Variants in CDH12 observed in about 807,000 individuals in gnomAD.
CDH12 encodes the protein cadherin-12.
A neutral mutation model predicts 74.1 loss-of-function variants in CDH12; 41 were observed. That is an observed-to-expected ratio of 0.55 (90% confidence interval 0.43 to 0.72). The LOEUF (loss-of-function observed/expected upper bound fraction) is 0.72. Among genes scored for constraint, CDH12 ranks in the 30% least tolerant of loss-of-function variants. CDH12 has a pLI of 0.00. For synonymous variants in CDH12, 399 were observed against 355.0 expected, an observed-to-expected ratio of 1.12 and a Z score of -1.39; for missense variants, 945 against 977.2, an observed-to-expected ratio of 0.97 and a Z score of 0.44.
intron 6 of CDH12, chr5:21,882,612 G>T (rs578140927): frequency 2.5e-6 from 4 of 1,603,604 alleles, no homozygotes; most frequent in Admixed American, 1.7e-5. Flanking sequence ...ACAGTCTTTC[G>T]CCAGATGAGA....
chr5:21,752,033 A>G lies in CDH12; in HGVS notation c.2089T>C (p.Ser697Pro), dbSNP rs1461861947. The change falls in exon 15 of 15, where the codon TCT (serine) becomes CCT (proline). Residue 697 changes from serine (S) to proline (P), a missense_variant. Ser to Pro is a moderately conservative substitution (Grantham distance 74, BLOSUM62 -1). This residue lies in a region of CDH12 where 791 missense variants were observed against 792.8 expected (regional missense o/e 1.00). Transcript: ENST00000382254. ...NKIRRDIKPD[S>P]LCLPRQRPPM... ...GGTCTCTGACGAGGTAAACAGAGAG[A>G]GTCTGGTTTTATATCCCTGCGAATT... The G allele has an allele frequency of 6.2e-7, 1 of 1,613,988 alleles. No individual in the cohort carries two copies. The highest frequency in any genetic ancestry group is 1.1e-5 in the South Asian group (1 of 91,076).
At chr5:21,832,863 TC>T (rs1434903519) in intron 8 of CDH12, among the ~76,000 whole-genome samples, 60 of 17,856 alleles carry the variant, frequency 3.4e-3, no homozygotes, top group African/African-American at 0.03. Flanking sequence ...ATGATATATA[TC>T]ATATGATATA....
At chr5:21,787,854 C>T (rs958234529) in intron 10 of CDH12, among the ~76,000 whole-genome samples, 8 of 152,112 alleles carry the variant, frequency 5.3e-5, no homozygotes, top group Non-Finnish European at 7.3e-5. Context: ...CTTAATTCTC[C>T]GTACCGCATA....
At chr5:21,796,591 A>G (rs1458555889) in intron 10 of CDH12, among the ~76,000 whole-genome samples, 1 of 152,108 alleles carries the variant, frequency 6.6e-6, no homozygotes, top group Non-Finnish European at 1.5e-5. Context: ...TCTTTACATC[A>G]TCATTCTGTT....
At chr5:22,710,027 A>T (rs1026260460) in intron 1 of CDH12, among the ~76,000 whole-genome samples, 1 of 152,206 alleles carries the variant, frequency 6.6e-6, no homozygotes, top group African/African-American at 2.4e-5. Context: ...AAATAAAGGT[A>T]GCTCAGGTTT....
rs1580082427 is a variant in CDH12, at chr5:21,994,308, T to C, written c.232-18923A>G. Among the ~76,000 whole-genome samples the C allele has an allele frequency of 6.7e-5, 9 of 134,086 alleles. 1 individual carries two copies. In the South Asian group the frequency reaches 2.0e-3, roughly 30 times the overall value. 88.0% of individuals were successfully genotyped at this position (134,086 alleles called of 152,430 possible). A position where few individuals can be genotyped will look rare whatever the true frequency, so the allele number is the denominator to read the frequency against. ...CAAAGGGAGACAGAGGTAAGAAAATTAAGAAAAGAAGAAAGGAGTTCTGAC... is the reference window on the plus strand; with the variant it reads ...CAAAGGGAGACAGAGGTAAGAAAATCAAGAAAAGAAGAAAGGAGTTCTGAC... On this transcript the variant is annotated intron_variant, in intron 5 of 14. Coordinates refer to ENST00000382254, the MANE Select transcript of CDH12 (RefSeq NM_004061.5).
At chr5:22,162,484 G>T (rs1163407012) in intron 4 of CDH12, among the ~76,000 whole-genome samples, 1 of 152,102 alleles carries the variant, frequency 6.6e-6, no homozygotes, top group Non-Finnish European at 1.5e-5. Context: ...CTCAGGTTGG[G>T]TTTTCCCTGG....
chr5:22,286,775 G>A (rs1156242111), intron 3 of CDH12, among the ~76,000 whole-genome samples: 1 of 150,980 alleles, frequency 6.6e-6, no homozygotes, highest in Non-Finnish European at 1.5e-5. Flanking sequence ...CCACTTATTT[G>A]ACTGAATATG....
At chr5:22,240,051 C>T (rs1333325594) in intron 3 of CDH12, among the ~76,000 whole-genome samples, 2 of 152,092 alleles carry the variant, frequency 1.3e-5, no homozygotes, top group Non-Finnish European at 2.9e-5. Flanking sequence ...TACTTCCCCT[C>T]ATTTTATAGA....
intron 1 of CDH12, among the ~76,000 whole-genome samples, chr5:22,564,514 T>G (rs2126755531): frequency 6.6e-6 from 1 of 152,358 alleles, no homozygotes; most frequent in African/African-American, 2.4e-5. Flanking sequence ...ATAATTGTAA[T>G]ATTTTAATTT....
chr5:22,811,898 C>G (rs72748754), intron 1 of CDH12, among the ~76,000 whole-genome samples: 22,355 of 152,076 alleles, frequency 0.15, 2,050 homozygotes, highest in Non-Finnish European at 0.21. Context: ...TGACCACATT[C>G]AATGAAAAGA....
chr5:22,704,969 T>C (rs926794298), intron 1 of CDH12, among the ~76,000 whole-genome samples: 2 of 151,910 alleles, frequency 1.3e-5, no homozygotes, highest in African/African-American at 4.8e-5. Flanking sequence ...ATACAAAAAA[T>C]TCTAATTGAA....
intron 3 of CDH12, among the ~76,000 whole-genome samples, chr5:22,293,087 TA>T (rs1737467070): frequency 6.6e-6 from 1 of 152,146 alleles, no homozygotes; most frequent in Non-Finnish European, 1.5e-5. Context: ...TCTCAATCTC[TA>T]AAAACCCACG....
intron 1 of CDH12, among the ~76,000 whole-genome samples, chr5:22,603,940 G>C (rs1736973215): frequency 6.6e-6 from 1 of 152,186 alleles, no homozygotes; most frequent in South Asian, 2.1e-4. Flanking sequence ...GAAGAGGAGT[G>C]ATGCTAGTGA....
At chr5:22,009,924 G>A (rs1435480644) in intron 5 of CDH12, among the ~76,000 whole-genome samples, 1 of 106,858 alleles carries the variant, frequency 9.4e-6, no homozygotes, top group African/African-American at 4.8e-5. Flanking sequence ...GTTGCAGTGA[G>A]CCAAGAAACT....
intron 1 of CDH12, among the ~76,000 whole-genome samples, chr5:22,848,738 T>C (rs1737418021): frequency 6.6e-6 from 1 of 152,230 alleles, no homozygotes; most frequent in Non-Finnish European, 1.5e-5. Context: ...AATTATTTTA[T>C]TTGAGTTATA....
At chr5:22,479,270 G>A (rs1039486884) in intron 2 of CDH12, among the ~76,000 whole-genome samples, 4 of 152,030 alleles carry the variant, frequency 2.6e-5, no homozygotes, top group Non-Finnish European at 4.4e-5. Context: ...CTTAATTTTG[G>A]TAACAGTTCC....
chr5:22,297,645 C>CA (rs1428257942), intron 3 of CDH12, among the ~76,000 whole-genome samples: 34 of 152,234 alleles, frequency 2.2e-4, no homozygotes, highest in African/African-American at 8.2e-4. Context: ...AATTAATCTT[C>CA]AATTATGAAG....
At chr5:22,023,592 TAC>T (rs973945896) in intron 5 of CDH12, among the ~76,000 whole-genome samples, 4 of 151,646 alleles carry the variant, frequency 2.6e-5, no homozygotes, top group South Asian at 2.1e-4. Context: ...TATATATATA[TAC>T]ACACACACAA....
Sources: allele counts gnomAD v4.1 joint callset (sites outside exome capture counted in the v4.1 genomes callset), GRCh38; gene constraint gnomAD v4.1.1; regional missense constraint gnomAD v4.1.1; transcripts MANE v1.5; gene names NCBI Gene and HGNC (gene_info 2026-07-23, HGNC 2026-07-21).